PXDNL: variants seen among roughly 807,000 people sequenced by gnomAD.
PXDNL encodes the protein probable oxidoreductase PXDNL.
PXDNL carries 145 observed loss-of-function variants against 150.8 expected under a neutral mutation model. The ratio of observed to expected loss-of-function variants is 0.96; its 90% confidence interval spans 0.84 to 1.10. The LOEUF is 1.10. PXDNL is among the 50% of genes least tolerant of loss of function. The pLI is 0.00. For missense variants in PXDNL, 2,087 were observed against 1,873.9 expected, an observed-to-expected ratio of 1.11 and a Z score of -2.10; for synonymous variants, 757 against 725.7, an observed-to-expected ratio of 1.04 and a Z score of -0.69.
At chr8:51,617,634 T>C (rs532246323) in intron 2 of PXDNL, among the ~76,000 whole-genome samples, 1 of 152,362 alleles carries the variant, frequency 6.6e-6, no homozygotes, top group South Asian at 2.1e-4. Flanking sequence ...AAGCTGGTGC[T>C]CTCTGAGTGT....
rs146407294 is a variant in PXDNL, at chr8:51,389,295, C to T, written c.3558-14564G>A. On this transcript the variant is annotated intron_variant, in intron 17 of 22. Transcript: ENST00000356297. ...AATTTATCTTCTTTTCTTTCCAGCA[C>T]CATGATGTTTGAGTAAATTCAGATT... Among the ~76,000 whole-genome samples, 8 of 152,250 alleles carry T rather than the reference C, an allele frequency of 5.3e-5. No homozygotes were observed. In the East Asian group the frequency reaches 1.5e-3, roughly 29 times the overall value.
intron 18 of PXDNL, 75 bp from the exon 19 acceptor site, chr8:51,372,156 A>G (rs906736936): frequency 6.7e-6 from 7 of 1,046,026 alleles, no homozygotes; most frequent in Non-Finnish European, 1.0e-5. Context: ...AAACAGCCAC[A>G]ATGCACCAAG....
chr8:51,405,709 T>C (rs1250381856), intron 17 of PXDNL, among the ~76,000 whole-genome samples: 1 of 152,250 alleles, frequency 6.6e-6, no homozygotes, highest in Non-Finnish European at 1.5e-5. Flanking sequence ...ATATGTTTCA[T>C]ATTTTACAAA....
chr8:51,625,374 A>G (rs959477970), intron 2 of PXDNL, among the ~76,000 whole-genome samples: 1 of 152,206 alleles, frequency 6.6e-6, no homozygotes, highest in African/African-American at 2.4e-5. Context: ...ACCATCAAAT[A>G]TTTATAAAGG....
intron 3 of PXDNL, among the ~76,000 whole-genome samples, chr8:51,584,378 T>G (rs1478421787): frequency 6.6e-6 from 1 of 152,176 alleles, no homozygotes; most frequent in Non-Finnish European, 1.5e-5. Context: ...CACCCCAGAC[T>G]GCCTGCTCTG....
At chr8:51,616,022 G>T (rs1177421079) in intron 2 of PXDNL, among the ~76,000 whole-genome samples, 1 of 152,086 alleles carries the variant, frequency 6.6e-6, no homozygotes, top group Non-Finnish European at 1.5e-5. Flanking sequence ...CAGAGCAATG[G>T]CCCCACATGC....
intron 1 of PXDNL, among the ~76,000 whole-genome samples, chr8:51,705,162 G>A (rs370122967): frequency 3.4e-4 from 52 of 152,288 alleles, no homozygotes; most frequent in South Asian, 6.2e-4. Context: ...GGCATGGGGG[G>A]TCTCCACATA....
intron 2 of PXDNL, among the ~76,000 whole-genome samples, chr8:51,600,780 TTA>T (rs1180077456): frequency 3.7e-5 from 5 of 136,252 alleles, no homozygotes; most frequent in East Asian, 2.1e-4. Context: ...CTTATATAAA[TTA>T]TATAGTTTTG....
chr8:51,323,499 G>A (rs1366286889), intron 21 of PXDNL, among the ~76,000 whole-genome samples: 1 of 152,072 alleles, frequency 6.6e-6, no homozygotes, highest in Non-Finnish European at 1.5e-5. Context: ...ATATTACCCA[G>A]GCTGATCCTA....
chr8:51,806,310 G>T (rs2037675014), intron 1 of PXDNL, among the ~76,000 whole-genome samples: 1 of 152,138 alleles, frequency 6.6e-6, no homozygotes, highest in African/African-American at 2.4e-5. Context: ...TTGGCCATTT[G>T]CAGAGCTAAA....
In PXDNL at chr8:51,565,345, A is replaced by G. The variant is rs202119700; in HGVS notation, c.309-8434T>C. On this transcript the variant is annotated intron_variant, in intron 3 of 22. Transcript: ENST00000356297. The stretch of plus-strand genomic sequence containing the variant: ...AAATAGATAGATAGATAGATAGATA[A>G]ATAAATAAATACAGTGCACAGTAAC... Among the ~76,000 whole-genome samples, 360 of 114,852 alleles carry G rather than the reference A, an allele frequency of 3.1e-3. 4 individuals are homozygous for G. Among genetic ancestry groups the G allele is most frequent in the South Asian group, 5.2e-3 (17 of 3,252 alleles). 75.3% of individuals were successfully genotyped at this position (114,852 alleles called of 152,430 possible). A position where few individuals can be genotyped will look rare whatever the true frequency, so the allele number is the denominator to read the frequency against.
At chr8:51,329,879 C>T (rs1016469735) in intron 21 of PXDNL, among the ~76,000 whole-genome samples, 2 of 152,038 alleles carry the variant, frequency 1.3e-5, no homozygotes, top group African/African-American at 4.8e-5. Context: ...TTGAGAAGGG[C>T]CACAATCTTC....
chr8:51,462,530 C>A (rs1211175963), intron 8 of PXDNL, among the ~76,000 whole-genome samples: 2 of 151,972 alleles, frequency 1.3e-5, no homozygotes, highest in Admixed American at 6.6e-5. Context: ...CAGAACAGAC[C>A]AAGCTGAGGC....
At position 51,371,928 on chromosome 8, in the gene PXDNL, C is replaced by T. The variant is rs776168821; in HGVS notation, c.3846G>A (p.Leu1282=). The change falls in exon 19 of 23, where the codon CTG becomes CTA. Residue 1282 remains leucine, a synonymous_variant. Transcript: ENST00000356297. ...CCACCTTCGGGATCTCGCTGCAGTT[C>T]AGGTAATCCTGTGGGTATTCTGCCT... ...FVKAEYPQDY[L]NCSEIPKVDL... 9.3e-6 allele frequency: 15 copies of T among 1,613,884 alleles called. No individual in the cohort carries two copies. The African/African-American group carries it at 1.7e-4, about 19-fold the overall frequency.
intron 21 of PXDNL, among the ~76,000 whole-genome samples, chr8:51,327,912 A>G (rs992952479): frequency 5.3e-5 from 8 of 152,232 alleles, no homozygotes; most frequent in Non-Finnish European, 7.3e-5. Context: ...AGCAACCAAG[A>G]TCTGCTTACC....
At chr8:51,453,857 G>A in intron 9 of PXDNL, 72 bp from the exon 10 acceptor site, 2 of 1,499,150 alleles carry the variant, frequency 1.3e-6, no homozygotes, top group Non-Finnish European at 9.0e-7. Flanking sequence ...TCTGCATTGT[G>A]GTTTTAAGAT....
intron 13 of PXDNL, 129 bp from the exon 14 acceptor site, chr8:51,423,860 G>A: frequency 2.7e-6 from 2 of 729,398 alleles, no homozygotes; most frequent in South Asian, 2.6e-5. Flanking sequence ...TCAAGTACTG[G>A]AGGAGATACA....
intron 2 of PXDNL, among the ~76,000 whole-genome samples, chr8:51,595,698 T>G (rs1450175640): frequency 6.6e-6 from 1 of 152,164 alleles, no homozygotes; most frequent in Non-Finnish European, 1.5e-5. Context: ...CTGGAGTGAT[T>G]TGCATAGTCA....
chr8:51,396,630 G>A (rs564949809), intron 17 of PXDNL, among the ~76,000 whole-genome samples: 1 of 152,276 alleles, frequency 6.6e-6, no homozygotes, highest in East Asian at 1.9e-4. Flanking sequence ...AGTGGTGCAT[G>A]CCTGTAATCC....
Sources: allele counts gnomAD v4.1 joint callset (sites outside exome capture counted in the v4.1 genomes callset), GRCh38; gene constraint gnomAD v4.1.1; transcripts MANE v1.5; gene names NCBI Gene and HGNC (gene_info 2026-07-23, HGNC 2026-07-21).